ADGRL3: variants seen among roughly 807,000 people sequenced by gnomAD.
The protein encoded by ADGRL3 is adhesion G protein-coupled receptor L3, also known as calcium-independent alpha-latrotoxin receptor 3.
ADGRL3 carries 62 observed loss-of-function variants against 153.5 expected under a neutral mutation model. The observed-to-expected ratio is 0.40, with a 90% CI of 0.33 to 0.50. The LOEUF (loss-of-function observed/expected upper bound fraction) is 0.50. Ranked by LOEUF, ADGRL3 falls within the 20% of genes least tolerant of loss-of-function variation. The pLI is 0.47. For missense variants in ADGRL3, 1,641 were observed against 1,859.4 expected (o/e 0.88, Z 2.16); for synonymous variants, 710 against 672.5 (o/e 1.06, Z -0.86).
At chr4:61,420,401 C>CTTTTTTTTTT (rs36093010) in intron 2 of ADGRL3, 9 of 82,550 alleles carry the variant, frequency 1.1e-4, no homozygotes, top group South Asian at 1.1e-3. Flanking sequence ...CAAAGGAAAG[C>CTTTTTTTTTT]TTTTTTTTTT....
rs188098589 is a variant in ADGRL3, at chr4:61,784,952, T to C, written c.1400-28857T>C. ...CTTATCAGTAAAAGAGAAATTATAA[T>C]AGTACTTATATCTCAAGTTTGTTAA... On this transcript the variant is annotated intron_variant, in intron 8 of 26. Coordinates refer to ENST00000683033, the MANE Select transcript of ADGRL3 (RefSeq NM_001387552.1). 1.1e-3 allele frequency among the ~76,000 whole-genome samples: 160 copies of C among 152,260 alleles called. 3 individuals are homozygous for C. The highest frequency in any genetic ancestry group is 0.01 in the Middle Eastern group (3 of 294).
intron 17 of ADGRL3, among the ~76,000 whole-genome samples, chr4:61,974,832 T>A (rs1320942586): frequency 6.6e-6 from 1 of 152,204 alleles, no homozygotes; most frequent in Non-Finnish European, 1.5e-5. Flanking sequence ...GTAACAACCT[T>A]CTTATTTTCT....
intron 1 of ADGRL3, among the ~76,000 whole-genome samples, chr4:61,213,693 C>T (rs1741234018): frequency 6.6e-6 from 1 of 151,944 alleles, no homozygotes; most frequent in African/African-American, 2.4e-5. Flanking sequence ...TTTCTCAATG[C>T]CATTATTTTT....
chr4:61,416,703 T>C (rs1287522083), intron 2 of ADGRL3, among the ~76,000 whole-genome samples: 2 of 152,184 alleles, frequency 1.3e-5, no homozygotes, highest in African/African-American at 4.8e-5. Flanking sequence ...ATTAAAACAG[T>C]GGTGCCCAAC....
chr4:61,998,320 C>T, intron 21 of ADGRL3, 55 bp downstream of exon 21: 1 of 827,780 alleles, frequency 1.2e-6, no homozygotes, highest in Non-Finnish European at 1.9e-6. Context: ...ATACTCCAAA[C>T]TATCCTTTCT....
At chr4:61,488,602 A>G (rs188988012) in intron 2 of ADGRL3, among the ~76,000 whole-genome samples, 1 of 151,982 alleles carries the variant, frequency 6.6e-6, no homozygotes, top group South Asian at 2.1e-4. Context: ...ATTTGATTCA[A>G]CTTTTTACTG....
chr4:61,864,251 C>T (rs1338573859), intron 9 of ADGRL3, among the ~76,000 whole-genome samples: 1 of 152,042 alleles, frequency 6.6e-6, no homozygotes, highest in Non-Finnish European at 1.5e-5. Context: ...TATATTAGTT[C>T]TCATATATCA....
At chr4:62,053,331 G>A (rs1010219317) in intron 25 of ADGRL3, among the ~76,000 whole-genome samples, 3 of 151,474 alleles carry the variant, frequency 2.0e-5, no homozygotes, top group African/African-American at 7.2e-5. Flanking sequence ...AGCTCCTGTT[G>A]AATTGCATAC....
chr4:61,692,063 CTTCT>C (rs746146595), intron 6 of ADGRL3, among the ~76,000 whole-genome samples: 6 of 152,114 alleles, frequency 3.9e-5, no homozygotes, highest in South Asian at 2.1e-4. Flanking sequence ...TCGATTTTCT[CTTCT>C]TTGTCTTAAT....
intron 8 of ADGRL3, among the ~76,000 whole-genome samples, chr4:61,770,120 A>G (rs1374282626): frequency 6.6e-6 from 1 of 152,206 alleles, no homozygotes; most frequent in African/African-American, 2.4e-5. Flanking sequence ...AGTAAAACGT[A>G]TTAGTAAAAA....
chr4:61,868,838 A>C (rs1354300270), intron 9 of ADGRL3, among the ~76,000 whole-genome samples: 6 of 152,142 alleles, frequency 3.9e-5, no homozygotes, highest in African/African-American at 1.4e-4. Flanking sequence ...ACTCACTTTC[A>C]GACTCTGCTT....
intron 8 of ADGRL3, among the ~76,000 whole-genome samples, chr4:61,744,814 C>T (rs1483845173): frequency 1.3e-5 from 2 of 152,144 alleles, no homozygotes; most frequent in Non-Finnish European, 1.5e-5. Context: ...GCACCTCTCC[C>T]CCTCCAAAGG....
chr4:61,493,475 G>A (rs980918548), intron 2 of ADGRL3, among the ~76,000 whole-genome samples: 3 of 152,214 alleles, frequency 2.0e-5, no homozygotes, highest in African/African-American at 2.4e-5. Context: ...TTCACCCATT[G>A]TTTCAACATT....
At chr4:61,495,473 G>A (rs1246765293) in intron 2 of ADGRL3, among the ~76,000 whole-genome samples, 1 of 149,956 alleles carries the variant, frequency 6.7e-6, no homozygotes, top group Non-Finnish European at 1.5e-5. Context: ...GGAGGGAGGA[G>A]GAAGGAAGGA....
chr4:61,329,351 T>A (rs2150934564), intron 1 of ADGRL3, among the ~76,000 whole-genome samples: 1 of 152,316 alleles, frequency 6.6e-6, no homozygotes, highest in East Asian at 1.9e-4. Flanking sequence ...AAACAGATAA[T>A]GATATCAAGT....
At chr4:61,232,347 TC>T (rs1751028740) in intron 1 of ADGRL3, among the ~76,000 whole-genome samples, 1 of 151,702 alleles carries the variant, frequency 6.6e-6, no homozygotes. Flanking sequence ...TTGTTTTTGT[TC>T]CCCAGATTGG....
At chr4:61,241,726 G>A (rs943045217) in intron 1 of ADGRL3, among the ~76,000 whole-genome samples, 1 of 151,862 alleles carries the variant, frequency 6.6e-6, no homozygotes, top group Non-Finnish European at 1.5e-5. Flanking sequence ...CTTTTTACTT[G>A]TGAGCACAGA....
chr4:61,988,109 A>G (rs755820167), intron 19 of ADGRL3, among the ~76,000 whole-genome samples: 6 of 152,098 alleles, frequency 3.9e-5, no homozygotes, highest in Non-Finnish European at 7.4e-5. Context: ...TGTTAGGGCT[A>G]TTGAATTTAT....
chr4:61,519,006 T>C, intron 4 of ADGRL3, among the ~76,000 whole-genome samples: 1 of 152,306 alleles, frequency 6.6e-6, no homozygotes, highest in South Asian at 2.1e-4. Context: ...ATATAATGAA[T>C]ATTAGTTAAC....
Sources: gnomAD v4.1 joint callset for allele counts (sites outside exome capture counted in the v4.1 genomes callset) on GRCh38, gnomAD v4.1.1 for gene constraint, MANE v1.5 for transcripts, NCBI Gene and HGNC (gene_info 2026-07-23, HGNC 2026-07-21) for gene names.